The following VARS1 variants were observed in gnomAD, a reference collection of about 807,000 sequenced individuals.
The protein encoded by VARS1 is valine--tRNA ligase.
A neutral mutation model predicts 161.0 loss-of-function variants in VARS1; 92 were observed. The observed-to-expected ratio is 0.57, with a 90% CI of 0.48 to 0.68. VARS1 has a LOEUF of 0.68. Among genes scored for constraint, VARS1 ranks in the 30% least tolerant of loss-of-function variants. The pLI, the probability that VARS1 is intolerant of heterozygous loss-of-function variation, is 0.00. For synonymous variants in VARS1, 595 were observed against 682.5 expected (o/e 0.87, Z 2.00); for missense variants, 1,338 against 1,695.9 (o/e 0.79, Z 3.71).
intron 8 of VARS1, among the ~76,000 whole-genome samples, chr6:31,789,914 C>T (rs1441187422): frequency 6.6e-6 from 1 of 151,838 alleles, no homozygotes; most frequent in Non-Finnish European, 1.5e-5. Context: ...GTCCTAGCTA[C>T]TTGGGAGGCT....
In VARS1 at chr6:31,792,777, C is replaced by T; in HGVS notation, c.641G>A (p.Arg214Lys). 6.2e-7 allele frequency: 1 copy of T among 1,614,198 alleles called. No individual in the cohort carries two copies. The highest frequency in any genetic ancestry group is 8.5e-7 in the Non-Finnish European group (1 of 1,180,044). The change falls in exon 4 of 30, where the codon AGG becomes AAG. Residue 214 changes from arginine (R) to lysine (K), a missense_variant. Arg to Lys is a conservative substitution (Grantham distance 26, BLOSUM62 2). This residue lies in a region of VARS1 where 902 missense variants were observed against 1,090.3 expected (regional missense o/e 0.83). Coordinates refer to ENST00000375663, the MANE Select transcript of VARS1 (RefSeq NM_006295.3). ...LGEVVLYSGARPLSHQPGPEA... is the reference protein window; with the variant it reads ...LGEVVLYSGAKPLSHQPGPEA... ...CTCACCTGGCTGATGAGAGAGAGGC[C>T]TGGCTCCTGAGTATAGAACCACTTC...
chr6:31,787,727 A>G (rs995267498), intron 8 of VARS1, among the ~76,000 whole-genome samples: 7 of 152,154 alleles, frequency 4.6e-5, no homozygotes, highest in Non-Finnish European at 7.3e-5. Context: ...CTGTAGTCCC[A>G]GCACTTTGGG....
chr6:31,791,475 A>G lies in VARS1; in HGVS notation c.1100+135T>C, dbSNP rs1813859996. The G allele has an allele frequency of 1.6e-6, 2 of 1,269,600 alleles. No individual in the cohort carries two copies. The highest frequency in any genetic ancestry group is 2.1e-6 in the Non-Finnish European group (2 of 942,304). 78.6% of individuals were successfully genotyped at this position (1,269,600 alleles called of 1,614,324 possible). On this transcript the variant is annotated intron_variant, in intron 8 of 29. Coordinates refer to ENST00000375663, the MANE Select transcript of VARS1 (RefSeq NM_006295.3). The surrounding 1 kb of genome is among the most constrained non-coding windows in gnomAD (Gnocchi z 5.0). Reference sequence around the variant, plus strand: ...AGCTAAATGATCAGATTGGAATGACAGAGAGAAGTGTAGCACCACTGGGGG... The same window carrying G: ...AGCTAAATGATCAGATTGGAATGACGGAGAGAAGTGTAGCACCACTGGGGG...
chr6:31,779,933 C>G lies in VARS1; in HGVS notation c.3081+65G>C, dbSNP rs1813021406. The G allele has an allele frequency of 6.2e-7, 1 of 1,605,410 alleles. No individual in the cohort carries two copies. Among genetic ancestry groups the G allele is most frequent in the Non-Finnish European group, 8.5e-7 (1 of 1,175,280 alleles). On this transcript the variant is annotated intron_variant, in intron 26 of 29. Coordinates refer to ENST00000375663, the MANE Select transcript of VARS1 (RefSeq NM_006295.3). This position sits in a 1 kb window ranked among gnomAD's most constrained non-coding sequence, Gnocchi z 9.1. ...GGTCTCAAGGCCAACTCTGGCAAAA[C>G]TGAGCCCAGGGCTCTGCTGCCCACC... is the stretch of plus-strand genomic sequence containing the variant.
Position 31,791,448 on chromosome 6 carries a change from G to A in VARS1, c.1100+162C>T, listed in dbSNP as rs929809711. On this transcript the variant is annotated intron_variant, in intron 8 of 29. Coordinates refer to ENST00000375663, the MANE Select transcript of VARS1 (RefSeq NM_006295.3). This position sits in a 1 kb window ranked among gnomAD's most constrained non-coding sequence, Gnocchi z 5.0. ...GCATGGGAGTACTGGACTAGGAGAG[G>A]AAGCTAAATGATCAGATTGGAATGA... Among the ~76,000 whole-genome samples, 1 of 152,146 alleles carries A rather than the reference G, an allele frequency of 6.6e-6. No individual in the cohort carries two copies. Among genetic ancestry groups the A allele is most frequent in the Non-Finnish European group, 1.5e-5 (1 of 68,024 alleles).
At position 31,781,232 on chromosome 6, in the gene VARS1, C is replaced by A; in HGVS notation, c.2545-109G>T. On this transcript the variant is annotated intron_variant, in intron 21 of 29. Coordinates refer to ENST00000375663, the MANE Select transcript of VARS1 (RefSeq NM_006295.3). This position sits in a 1 kb window ranked among gnomAD's most constrained non-coding sequence, Gnocchi z 6.8. ...ACCCCACTGTGAACCTCAGGTCCCA[C>A]TGAGTGTCCCCAAGAGCTCGTTGAG... 1 of 1,336,856 alleles carries A rather than the reference C, an allele frequency of 7.5e-7. No individual in the cohort carries two copies. The highest frequency in any genetic ancestry group is 1.0e-6 in the Non-Finnish European group (1 of 956,616). 82.8% of individuals were successfully genotyped at this position (1,336,856 alleles called of 1,614,324 possible). A position where few individuals can be genotyped will look rare whatever the true frequency, so the allele number is the denominator to read the frequency against.
At position 31,780,710 on chromosome 6, in the gene VARS1, G is replaced by A. The variant is rs756430820; in HGVS notation, c.2792C>T (p.Ser931Phe). The change falls in exon 24 of 30, where the codon TCC (serine) becomes TTC (phenylalanine). Residue 931 changes from serine to phenylalanine, a missense_variant. By Grantham distance (155) the Ser-to-Phe change is radical. Transcript: ENST00000375663. This position sits in a 1 kb window ranked among gnomAD's most constrained non-coding sequence, Gnocchi z 5.1. The part of the protein sequence containing the change: ...ALRFGLCAYM[S>F]QGRDINLDVN... Reference sequence around the variant, plus strand: ...GGACGCTTTGGGGGCCATACCCTGGGACATGTAGGCACATAATCCAAACCG... The same window carrying A: ...GGACGCTTTGGGGGCCATACCCTGGAACATGTAGGCACATAATCCAAACCG... 1 of 1,614,014 alleles carries A rather than the reference G, an allele frequency of 6.2e-7. No homozygotes were observed. Among genetic ancestry groups the A allele is most frequent in the South Asian group, 1.1e-5 (1 of 91,092 alleles).
rs1217795784 is a variant in VARS1, at chr6:31,791,834, C to T, written c.972+37G>A. 2 of 1,611,490 alleles carry T rather than the reference C, an allele frequency of 1.2e-6. No individual in the cohort carries two copies. The highest frequency in any genetic ancestry group is 2.2e-5 in the South Asian group (2 of 91,028). ...TCCTTCAGTCCTGCCCTTCCCCACCCCACCCACTCTGGGCCTGGGCAGCAG... is the reference window on the plus strand; with the variant it reads ...TCCTTCAGTCCTGCCCTTCCCCACCTCACCCACTCTGGGCCTGGGCAGCAG... On this transcript the variant is annotated intron_variant, in intron 7 of 29. Transcript: ENST00000375663. The surrounding 1 kb of genome is among the most constrained non-coding windows in gnomAD (Gnocchi z 5.0).
intron 8 of VARS1, among the ~76,000 whole-genome samples, chr6:31,790,697 A>AGTATGTGTG (rs2151431851): frequency 6.6e-6 from 1 of 151,522 alleles, no homozygotes; most frequent in Admixed American, 6.6e-5. Context: ...GAAGGAAGTC[A>AGTATGTGTG]GTATGTGTGG....
chr6:31,784,216 G>C lies in VARS1; in HGVS notation c.1669C>G (p.Gln557Glu), dbSNP rs753824055. The C allele has an allele frequency of 6.2e-7, 1 of 1,614,126 alleles. No homozygotes were observed. Among genetic ancestry groups the C allele is most frequent in the South Asian group, 1.1e-5 (1 of 91,092 alleles). The change falls in exon 13 of 30, where the codon CAG becomes GAG. Residue 557 changes from glutamine to glutamate, a missense_variant and splice_region_variant. Physicochemically the swap from Gln to Glu is conservative, Grantham distance 29. Coordinates refer to ENST00000375663, the MANE Select transcript of VARS1 (RefSeq NM_006295.3). The surrounding 1 kb of genome is among the most constrained non-coding windows in gnomAD (Gnocchi z 6.1). The part of the protein sequence containing the change: ...VAVHPKDTRY[Q>E]HLKGKNVIHP... ...CCTAACTGTGGACAGTCCCCCACCTGGTATCTGGTATCTTTGGGGTGCACA... is the reference window on the plus strand; with the variant it reads ...CCTAACTGTGGACAGTCCCCCACCTCGTATCTGGTATCTTTGGGGTGCACA...
rs1813219325 is a variant in VARS1 at position 31,782,414 on chromosome 6, A to C, written c.2021T>G (p.Leu674Arg). The C allele has an allele frequency of 6.2e-7, 1 of 1,612,440 alleles. No homozygotes were observed. ...NRSKDVVEPL[L>R]RPQWYVRCGE... The stretch of plus-strand genomic sequence containing the variant: ...GCAGCGAACGTACCACTGCGGCCGC[A>C]GCAGAGGCTCTACCACGTCCTTCGA... The change falls in exon 17 of 30, where the codon CTG becomes CGG. Residue 674 changes from leucine to arginine, a missense_variant. Transcript: ENST00000375663. The surrounding 1 kb of genome is among the most constrained non-coding windows in gnomAD (Gnocchi z 8.3).
At position 31,785,311 on chromosome 6, in the gene VARS1, A is replaced by T; in HGVS notation, c.1282T>A (p.Tyr428Asn). 1 of 1,613,056 alleles carries T rather than the reference A, an allele frequency of 6.2e-7. No homozygotes were observed. The highest frequency in any genetic ancestry group is 8.5e-7 in the Non-Finnish European group (1 of 1,180,006). ...CTGCCAAGCTTCTTCAACTGGTGGTAAATCCGGTCACCTTTCCTGGAAGCA... is the reference window on the plus strand; with the variant it reads ...CTGCCAAGCTTCTTCAACTGGTGGTTAATCCGGTCACCTTTCCTGGAAGCA... Reference protein sequence around the residue: ...KWKEEKGDRIYHQLKKLGSSL... With the variant: ...KWKEEKGDRINHQLKKLGSSL... The change falls in exon 10 of 30, where the codon TAC (tyrosine) becomes AAC (asparagine). Residue 428 changes from tyrosine (Y) to asparagine (N), a missense_variant. Tyr to Asn is a moderately radical substitution (Grantham distance 143). Coordinates refer to ENST00000375663, the MANE Select transcript of VARS1 (RefSeq NM_006295.3). The surrounding 1 kb of genome is among the most constrained non-coding windows in gnomAD (Gnocchi z 6.1).
At position 31,781,312 on chromosome 6, in the gene VARS1, A is replaced by G; in HGVS notation, c.2544+169T>C. ...CCTCTGGGAAGATGAAGCCCTGGGCACAGGAATCACTGAGCAGGGCCCAGG... is the reference window on the plus strand; with the variant it reads ...CCTCTGGGAAGATGAAGCCCTGGGCGCAGGAATCACTGAGCAGGGCCCAGG... On this transcript the variant is annotated intron_variant, in intron 21 of 29. Transcript: ENST00000375663. The surrounding 1 kb of genome is among the most constrained non-coding windows in gnomAD (Gnocchi z 6.8). 1.6e-6 allele frequency: 2 copies of G among 1,231,342 alleles called. No homozygotes were observed. The allele number at this position is 1,231,342 out of a possible 1,614,324, so 76.3% of individuals were successfully genotyped here. A position where few individuals can be genotyped will look rare whatever the true frequency, so the allele number is the denominator to read the frequency against.
chr6:31,784,811 C>T lies in VARS1; in HGVS notation c.1348-97G>A, dbSNP rs775138586. 12 of 1,561,202 alleles carry T rather than the reference C, an allele frequency of 7.7e-6. No individual in the cohort carries two copies. The highest frequency in any genetic ancestry group is 1.0e-5 in the Non-Finnish European group (12 of 1,148,410). On this transcript the variant is annotated intron_variant, in intron 10 of 29. Transcript: ENST00000375663. This position sits in a 1 kb window ranked among gnomAD's most constrained non-coding sequence, Gnocchi z 6.1. ...CAGTGAGGCCTTGCCCATACAGAGT[C>T]CCACTGGCCAGCACAAAGACCCCTC...
In VARS1 at chr6:31,784,805, C is replaced by T. The variant is rs1581645259; in HGVS notation, c.1348-91G>A. Reference sequence around the variant, plus strand: ...GGGCTCCAGTGAGGCCTTGCCCATACAGAGTCCCACTGGCCAGCACAAAGA... The same window carrying T: ...GGGCTCCAGTGAGGCCTTGCCCATATAGAGTCCCACTGGCCAGCACAAAGA... On this transcript the variant is annotated intron_variant, in intron 10 of 29. Coordinates refer to ENST00000375663, the MANE Select transcript of VARS1 (RefSeq NM_006295.3). The surrounding 1 kb of genome is among the most constrained non-coding windows in gnomAD (Gnocchi z 6.1). The T allele has an allele frequency of 6.3e-7, 1 of 1,576,962 alleles. No homozygotes were observed. Among genetic ancestry groups the T allele is most frequent in the Non-Finnish European group, 8.6e-7 (1 of 1,158,804 alleles).
At chr6:31,783,499 G>A (rs1813296729) in intron 13 of VARS1, among the ~76,000 whole-genome samples, 44 of 152,044 alleles carry the variant, frequency 2.9e-4, no homozygotes, top group Admixed American at 2.9e-3. Flanking sequence ...GATAGAGTGA[G>A]ACCCTCTCTC....
chr6:31,779,090 C>T lies in VARS1; in HGVS notation c.3603G>A (p.Leu1201=). The T allele has an allele frequency of 6.2e-7, 1 of 1,611,794 alleles. No homozygotes were observed. The highest frequency in any genetic ancestry group is 8.5e-7 in the Non-Finnish European group (1 of 1,179,452). The change falls in exon 29 of 30, where the codon CTG becomes CTA. Residue 1201 remains leucine (L), a synonymous_variant. Transcript: ENST00000375663. The surrounding 1 kb of genome is among the most constrained non-coding windows in gnomAD (Gnocchi z 9.1). ...LQGLVDPARE[L]GKLQAKRVEA... ...CAACTCGCTTGGCTTGCAGCTTGCCCAGCTCCCGTGCAGGGTCCACCAGCC... is the reference window on the plus strand; with the variant it reads ...CAACTCGCTTGGCTTGCAGCTTGCCTAGCTCCCGTGCAGGGTCCACCAGCC...
chr6:31,783,225 C>A (rs1813279289), intron 13 of VARS1, 39 bp from the exon 14 acceptor site: 1 of 1,596,210 alleles, frequency 6.3e-7, no homozygotes, highest in African/African-American at 1.3e-5. Context: ...TGAAGCAGGG[C>A]CAGACGCCGT....
chr6:31,786,820 C>A (rs1471728208), intron 8 of VARS1, among the ~76,000 whole-genome samples: 1 of 151,982 alleles, frequency 6.6e-6, no homozygotes, highest in Non-Finnish European at 1.5e-5. Context: ...AAAGTTGGCA[C>A]TTCCTATCAG....
Sources: allele counts gnomAD v4.1 joint callset (sites outside exome capture counted in the v4.1 genomes callset), GRCh38; gene constraint gnomAD v4.1.1; regional missense constraint gnomAD v4.1.1; non-coding constraint Gnocchi (gnomAD v3.1); transcripts MANE v1.5; gene names NCBI Gene and HGNC (gene_info 2026-07-23, HGNC 2026-07-21).